Variants in SLC35F1 observed in about 807,000 individuals in gnomAD.
The protein encoded by SLC35F1 is chromosome 6 open reading frame 169.
In SLC35F1, 14 loss-of-function variants were observed where a neutral mutation model predicts 48.7. The observed-to-expected ratio is 0.29, with a 90% CI of 0.19 to 0.45. SLC35F1 has a LOEUF of 0.45. Ranked by LOEUF, SLC35F1 falls within the 20% of genes least tolerant of loss-of-function variation. The probability of loss-of-function intolerance (pLI) is 1.00; values close to 1 mark genes in which losing one functional copy is unlikely to be tolerated. For missense variants in SLC35F1, 404 were observed against 500.0 expected (o/e 0.81, Z 1.83); for synonymous variants, 190 against 202.2 (o/e 0.94, Z 0.51).
At chr6:117,911,781 C>G (rs899387843) in intron 1 of SLC35F1, among the ~76,000 whole-genome samples, 4 of 151,978 alleles carry the variant, frequency 2.6e-5, no homozygotes, top group African/African-American at 9.7e-5. Flanking sequence ...GTATATATTA[C>G]CCTGCCACAG....
At chr6:117,916,846 C>A (rs1384627399) in intron 1 of SLC35F1, among the ~76,000 whole-genome samples, 1 of 152,146 alleles carries the variant, frequency 6.6e-6, no homozygotes, top group African/African-American at 2.4e-5. Context: ...CTCTGAGGAG[C>A]ACAGACCAGG....
Position 118,000,802 on chromosome 6 carries a change from G to A in SLC35F1, c.173+92903G>A, listed in dbSNP as rs1053072032. On this transcript the variant is annotated intron_variant, in intron 1 of 7. Coordinates refer to ENST00000360388, the MANE Select transcript of SLC35F1 (RefSeq NM_001029858.4). ...AAATCACAAGCATTCTTATACACCA[G>A]TAACAGACAAACAGAGAGCCAAATC... is the stretch of plus-strand genomic sequence containing the variant. Among the ~76,000 whole-genome samples, 6 of 152,076 alleles carry A rather than the reference G, an allele frequency of 3.9e-5. No individual in the cohort carries two copies. The East Asian group carries it at 5.8e-4, about 15-fold the overall frequency.
At chr6:118,303,335 G>A (rs1182380729) in intron 7 of SLC35F1, among the ~76,000 whole-genome samples, 1 of 152,204 alleles carries the variant, frequency 6.6e-6, no homozygotes, top group African/African-American at 2.4e-5. Context: ...AAGAAAGATA[G>A]ATTGCCCTTA....
intron 1 of SLC35F1, among the ~76,000 whole-genome samples, chr6:118,033,585 A>T (rs1362555270): frequency 6.6e-6 from 1 of 150,626 alleles, no homozygotes; most frequent in Non-Finnish European, 1.5e-5. Context: ...ACAATAATAT[A>T]TGTTTGCATT....
chr6:117,961,482 G>A (rs1776497803), intron 1 of SLC35F1, among the ~76,000 whole-genome samples: 1 of 152,154 alleles, frequency 6.6e-6, no homozygotes. Context: ...TGAAGCTCTG[G>A]AGTTGCTTCG....
Position 117,972,462 on chromosome 6 carries a change from C to T in SLC35F1, c.173+64563C>T, listed in dbSNP as rs755725285. Among the ~76,000 whole-genome samples the T allele has an allele frequency of 2.5e-4, 38 of 152,140 alleles. 2 individuals carry two copies. The highest frequency in any genetic ancestry group is 1.3e-4 in the Non-Finnish European group (9 of 68,032). On this transcript the variant is annotated intron_variant, in intron 1 of 7. Transcript: ENST00000360388. ...GCCCCCACTCTGCAGTACCAATTTA[C>T]CATATTAGTCTGTTCTCATGCTGCT... is the stretch of plus-strand genomic sequence containing the variant.
rs762617944 is a variant in SLC35F1 at position 118,154,639 on chromosome 6, C to T, written c.349+19C>T. On this transcript the variant is annotated intron_variant, in intron 2 of 7. Transcript: ENST00000360388. ...AGACAAGGTAAGCTCACAAAAGCAC[C>T]AGGAATATAACTTTTACAAACACCT... 2 of 1,584,166 alleles carry T rather than the reference C, an allele frequency of 1.3e-6. No homozygotes were observed. The highest frequency in any genetic ancestry group is 2.3e-5 in the South Asian group (2 of 85,528).
At chr6:118,172,545 A>C (rs902596093) in intron 2 of SLC35F1, among the ~76,000 whole-genome samples, 1 of 152,186 alleles carries the variant, frequency 6.6e-6, no homozygotes. Context: ...CATGGTCTAG[A>C]TAACTGCTGT....
chr6:118,285,390 G>T, intron 7 of SLC35F1, 52 bp downstream of exon 7: 1 of 1,600,146 alleles, frequency 6.2e-7, no homozygotes, highest in South Asian at 1.1e-5. Context: ...AGGAAACAAT[G>T]AACATGGGTA....
intron 1 of SLC35F1, among the ~76,000 whole-genome samples, chr6:117,935,161 C>A (rs1006334306): frequency 2.0e-5 from 3 of 152,090 alleles, no homozygotes; most frequent in Non-Finnish European, 4.4e-5. Flanking sequence ...ATAACTTATG[C>A]ACAAATTCTA....
intron 1 of SLC35F1, among the ~76,000 whole-genome samples, chr6:118,046,664 T>C (rs1385091768): frequency 6.6e-6 from 1 of 152,156 alleles, no homozygotes; most frequent in Non-Finnish European, 1.5e-5. Context: ...GTATAGCTCC[T>C]AGGATAGTGT....
At chr6:118,267,531 C>T (rs1775790944) in intron 4 of SLC35F1, among the ~76,000 whole-genome samples, 1 of 152,178 alleles carries the variant, frequency 6.6e-6, no homozygotes, top group Non-Finnish European at 1.5e-5. Context: ...CTAATTCACT[C>T]CTGAGCCACA....
chr6:118,030,404 A>C (rs980058117), intron 1 of SLC35F1, among the ~76,000 whole-genome samples: 9 of 152,302 alleles, frequency 5.9e-5, no homozygotes, highest in Non-Finnish European at 1.3e-4. Context: ...TACTTTGGCC[A>C]ATCACTCATA....
At chr6:118,101,636 G>T (rs984605926) in intron 1 of SLC35F1, among the ~76,000 whole-genome samples, 4 of 152,112 alleles carry the variant, frequency 2.6e-5, no homozygotes, top group African/African-American at 9.7e-5. Flanking sequence ...ATCAGAAGAA[G>T]CAATCTTCCA....
At chr6:118,135,062 C>G (rs1485827042) in intron 1 of SLC35F1, among the ~76,000 whole-genome samples, 1 of 152,160 alleles carries the variant, frequency 6.6e-6, no homozygotes, top group East Asian at 1.9e-4. Context: ...TTTCTATGGG[C>G]TTATGAGTAA....
intron 1 of SLC35F1, among the ~76,000 whole-genome samples, chr6:118,121,307 A>G (rs547801158): frequency 4.4e-4 from 67 of 152,190 alleles, no homozygotes; most frequent in Non-Finnish European, 5.3e-4. Flanking sequence ...TAAAATAACT[A>G]TTAACCTCTG....
intron 1 of SLC35F1, among the ~76,000 whole-genome samples, chr6:117,934,756 A>C (rs907016636): frequency 3.9e-5 from 6 of 152,220 alleles, no homozygotes; most frequent in Non-Finnish European, 8.8e-5. Context: ...TTAATGTTTT[A>C]CTCAACGGTA....
intron 2 of SLC35F1, among the ~76,000 whole-genome samples, chr6:118,203,936 A>T (rs1774901557): frequency 6.6e-6 from 1 of 152,176 alleles, no homozygotes; most frequent in African/African-American, 2.4e-5. Context: ...CCCTGCATTC[A>T]TGGAGAATTA....
chr6:117,961,436 TGGACAAA>T (rs1776497145), intron 1 of SLC35F1, among the ~76,000 whole-genome samples: 1 of 152,176 alleles, frequency 6.6e-6, no homozygotes, highest in South Asian at 2.1e-4. Flanking sequence ...TCAGGCAGTC[TGGACAAA>T]GGACTGATTA....
Sources: gnomAD v4.1 joint callset for allele counts (sites outside exome capture counted in the v4.1 genomes callset) on GRCh38, gnomAD v4.1.1 for gene constraint, MANE v1.5 for transcripts, NCBI Gene and HGNC (gene_info 2026-07-23, HGNC 2026-07-21) for gene names.